Variants in TTC28 observed in about 807,000 individuals in gnomAD.
TTC28 encodes tetratricopeptide repeat domain 28.
In TTC28, 61 loss-of-function variants were observed where a neutral mutation model predicts 198.0. The ratio of observed to expected loss-of-function variants is 0.31; its 90% CI spans 0.25 to 0.38. The LOEUF (loss-of-function observed/expected upper bound fraction) is 0.38, where lower values mean the gene tolerates loss of function less well. Among genes scored for constraint, TTC28 ranks in the 10% least tolerant of loss-of-function variants. The pLI is 1.00. For missense variants in TTC28, 2,678 were observed against 3,164.0 expected, an observed-to-expected ratio of 0.85 and a Z score of 3.69; for synonymous variants, 1,171 against 1,297.8, an observed-to-expected ratio of 0.90 and a Z score of 2.10.
chr22:28,139,619 C>T (rs1345768716), intron 6 of TTC28, among the ~76,000 whole-genome samples: 1 of 151,796 alleles, frequency 6.6e-6, no homozygotes, highest in African/African-American at 2.4e-5. Flanking sequence ...GCTTTTGCCC[C>T]AGCATTAGAA....
At chr22:28,054,134 T>G (rs1360958254) in intron 12 of TTC28, among the ~76,000 whole-genome samples, 1 of 152,136 alleles carries the variant, frequency 6.6e-6, no homozygotes, top group Non-Finnish European at 1.5e-5. Flanking sequence ...GAGCCTGGTT[T>G]CCTGCAGCTA....
rs1274809837 is a variant in TTC28, at chr22:28,107,092, T to C, written c.2753A>G (p.Lys918Arg). Residue 918 changes from lysine (K) to arginine (R), a missense_variant, in exon 7 of 23, where the codon AAG (lysine) becomes AGG (arginine). By Grantham distance (26) the Lys-to-Arg change is conservative (BLOSUM62 2). This residue lies in a region of TTC28 where 775 missense variants were observed against 845.9 expected (regional missense o/e 0.92). Transcript: ENST00000397906. ...QSLNRMQDQAKAYRGLGNGHR... is the reference protein window; with the variant it reads ...QSLNRMQDQARAYRGLGNGHR... ...TCCATTTCCCAGGCCCCGGTAAGCC[T>C]TGGCTTGGTCTTGCATGCGATTCAG... is the stretch of plus-strand genomic sequence containing the variant. The C allele has an allele frequency of 3.9e-6, 6 of 1,551,328 alleles. No homozygotes were observed. The highest frequency in any genetic ancestry group is 5.2e-6 in the Non-Finnish European group (6 of 1,146,760).
chr22:28,124,729 T>C (rs1006277015), intron 6 of TTC28, among the ~76,000 whole-genome samples: 2 of 152,216 alleles, frequency 1.3e-5, no homozygotes, highest in Non-Finnish European at 2.9e-5. Context: ...ACACTATCTA[T>C]GTCCAGTGAT....
rs114735842 is a variant in TTC28 at position 28,188,597 on chromosome 22, G to A, written c.934-24998C>T. ...GGCCTACTGTCTGGAGATGTTTAGAGATGAAGACGGAAATGAAATGTTACA... is the reference window on the plus strand; with the variant it reads ...GGCCTACTGTCTGGAGATGTTTAGAAATGAAGACGGAAATGAAATGTTACA... On this transcript the variant is annotated intron_variant, in intron 5 of 22. Coordinates refer to ENST00000397906, the MANE Select transcript of TTC28 (RefSeq NM_001145418.2). Among the ~76,000 whole-genome samples the A allele has an allele frequency of 2.6e-3, 393 of 152,338 alleles. 2 individuals carry two copies. Among genetic ancestry groups the A allele is most frequent in the African/African-American group, 8.9e-3 (371 of 41,586 alleles).
At chr22:28,322,607 T>C (rs185721761) in intron 2 of TTC28, among the ~76,000 whole-genome samples, 139 of 152,296 alleles carry the variant, frequency 9.1e-4, no homozygotes, top group Non-Finnish European at 1.2e-4. Flanking sequence ...ATCACTTCTG[T>C]TCAATATTAA....
intron 5 of TTC28, among the ~76,000 whole-genome samples, chr22:28,163,954 C>A (rs1183561629): frequency 6.6e-6 from 1 of 152,236 alleles, no homozygotes; most frequent in Non-Finnish European, 1.5e-5. Context: ...CCTAATACTG[C>A]ACTTTTCCAA....
rs1295813266 is a variant in TTC28, at chr22:27,993,413, G to A, written c.5350C>T (p.Leu1784Phe). ...KVGGIPGWQALLTAVGFRLDP... is the reference protein window; with the variant it reads ...KVGGIPGWQAFLTAVGFRLDP... The stretch of plus-strand genomic sequence containing the variant: ...AGCCGGAAGCCCACAGCGGTGAGGA[G>A]GGCCTGCCAGCCAGGGATGCCGCCC... Residue 1784 changes from leucine to phenylalanine, a missense_variant, in exon 18 of 23, where the codon CTC (leucine) becomes TTC (phenylalanine). This residue lies in a region of TTC28 where 314 missense variants were observed against 442.7 expected (regional missense o/e 0.71). Transcript: ENST00000397906. The A allele has an allele frequency of 5.2e-6, 8 of 1,551,464 alleles. No homozygotes were observed. The highest frequency in any genetic ancestry group is 5.2e-6 in the Non-Finnish European group (6 of 1,147,000).
intron 5 of TTC28, among the ~76,000 whole-genome samples, chr22:28,235,327 G>A (rs1929157832): frequency 6.6e-6 from 1 of 152,312 alleles, no homozygotes; most frequent in East Asian, 1.9e-4. Flanking sequence ...ATCTAGGAAA[G>A]GATAATTAAC....
intron 2 of TTC28, among the ~76,000 whole-genome samples, chr22:28,557,682 T>C (rs923116992): frequency 7.9e-5 from 12 of 152,248 alleles, no homozygotes; most frequent in African/African-American, 2.7e-4. Context: ...AACTCCTTAA[T>C]AATGATTTGT....
chr22:28,024,028 T>TTCCC (rs199724730), intron 13 of TTC28, among the ~76,000 whole-genome samples: 10 of 152,030 alleles, frequency 6.6e-5, no homozygotes, highest in Non-Finnish European at 1.3e-4. Context: ...AGTTACTTAA[T>TTCCC]TCCCTCCCTC....
intron 12 of TTC28, among the ~76,000 whole-genome samples, chr22:28,079,505 C>A (rs899144078): frequency 9.9e-5 from 15 of 152,186 alleles, no homozygotes; most frequent in African/African-American, 3.4e-4. Flanking sequence ...AAACAACTCC[C>A]TTTTACCCCT....
At chr22:28,401,453 T>G (rs763782775) in intron 2 of TTC28, among the ~76,000 whole-genome samples, 1 of 151,804 alleles carries the variant, frequency 6.6e-6, no homozygotes, top group Admixed American at 6.6e-5. Context: ...CCATCTCTAC[T>G]AAAAATACAA....
intron 5 of TTC28, among the ~76,000 whole-genome samples, chr22:28,272,043 T>C (rs1279572149): frequency 6.6e-6 from 1 of 152,206 alleles, no homozygotes; most frequent in Non-Finnish European, 1.5e-5. Context: ...CCATTAAACC[T>C]ATTTTTCTTT....
chr22:28,645,626 CAA>C (rs555638293), intron 1 of TTC28, among the ~76,000 whole-genome samples: 23 of 76,090 alleles, frequency 3.0e-4, no homozygotes, highest in African/African-American at 2.0e-4. Flanking sequence ...GACTACATCT[CAA>C]AAAAAAAAAA....
chr22:28,274,375 A>G (rs575557817), intron 5 of TTC28, among the ~76,000 whole-genome samples: 1 of 152,362 alleles, frequency 6.6e-6, no homozygotes, highest in South Asian at 2.1e-4. Context: ...AATGATTCAC[A>G]CACAACTTCT....
chr22:28,224,598 G>T (rs1251264504), intron 5 of TTC28, among the ~76,000 whole-genome samples: 2 of 152,146 alleles, frequency 1.3e-5, no homozygotes, highest in Admixed American at 1.3e-4. Context: ...CTGATATAGG[G>T]CTAGGTCCAG....
chr22:28,451,355 T>A (rs917254448), intron 2 of TTC28, among the ~76,000 whole-genome samples: 1 of 152,096 alleles, frequency 6.6e-6, no homozygotes, highest in African/African-American at 2.4e-5. Context: ...CAAATCAACC[T>A]TAAAAAGTGC....
intron 2 of TTC28, among the ~76,000 whole-genome samples, chr22:28,394,106 AT>A (rs2046776908): frequency 6.6e-6 from 1 of 152,006 alleles, no homozygotes; most frequent in South Asian, 2.1e-4. Context: ...TGCATTTTTA[AT>A]TTAATATAAT....
intron 21 of TTC28, chr22:27,985,833 C>T (rs1937191696): frequency 6.4e-6 from 1 of 156,298 alleles, no homozygotes; most frequent in Non-Finnish European, 1.4e-5. Flanking sequence ...CAGTGTCTGC[C>T]CCCGTGGGCT....
Sources: gnomAD v4.1 joint callset for allele counts (sites outside exome capture counted in the v4.1 genomes callset) on GRCh38, gnomAD v4.1.1 for gene constraint, gnomAD v4.1.1 regional missense constraint, MANE v1.5 for transcripts, NCBI Gene and HGNC (gene_info 2026-07-23, HGNC 2026-07-21) for gene names.